ALMS1: variants seen among roughly 807,000 people sequenced by gnomAD.
The protein encoded by ALMS1 is centrosome-associated protein ALMS1.
Under a neutral mutation model 352.2 loss-of-function variants are expected in ALMS1, and 271 were observed. The ratio of observed to expected loss-of-function variants is 0.77; its 90% CI spans 0.70 to 0.85. ALMS1 has a LOEUF of 0.85. ALMS1 is among the 40% of genes least tolerant of loss of function. The pLI is 0.00. For synonymous variants in ALMS1, 1,865 were observed against 1,761.2 expected (o/e 1.06, Z -1.48); for missense variants, 5,445 against 4,870.7 (o/e 1.12, Z -3.51).
In ALMS1 at chr2:73,572,365, T is replaced by A. The variant is rs1438143250; in HGVS notation, c.10488T>A (p.Ile3496=). ...TACACCTACCAAGTGATCAAGATATTTGCCATGAATCTTTGGGAAAGAGTG... is the reference window on the plus strand; with the variant it reads ...TACACCTACCAAGTGATCAAGATATATGCCATGAATCTTTGGGAAAGAGTG... ...HPVHLPSDQD[I]CHESLGKSVF... is the part of the protein sequence containing the mutation. Residue 3496 remains isoleucine (I), a synonymous_variant, in exon 16 of 23, where the codon ATT becomes ATA. Transcript: ENST00000613296. The A allele has an allele frequency of 2.5e-6, 4 of 1,609,120 alleles. No individual in the cohort carries two copies. In the South Asian group the frequency reaches 4.5e-5, roughly 18 times the overall value.
Position 73,519,985 on chromosome 2 carries a change from C to T in ALMS1, c.9750C>T (p.Val3250=). The stretch of plus-strand genomic sequence containing the variant: ...TCAAGTTTGCCTCATCATCTTCAGT[C>T]CAACAGGTTACTTTTTCTCGCGGCA... ...APVKFASSSS[V]QQVTFSRGTD... is the part of the protein sequence containing the mutation. The change falls in exon 11 of 23, where the codon GTC becomes GTT. Residue 3250 remains valine, a synonymous_variant. Coordinates refer to ENST00000613296, the MANE Select transcript of ALMS1 (RefSeq NM_001378454.1). 6.2e-7 allele frequency: 1 copy of T among 1,614,094 alleles called. No homozygotes were observed. The highest frequency in any genetic ancestry group is 1.1e-5 in the South Asian group (1 of 91,074).
Position 73,450,291 on chromosome 2 carries a change from A to G in ALMS1, c.3764A>G (p.Asp1255Gly), listed in dbSNP as rs773586990. 1.6e-5 allele frequency: 26 copies of G among 1,613,904 alleles called. No homozygotes were observed. The highest frequency in any genetic ancestry group is 2.2e-5 in the South Asian group (2 of 91,076). Residue 1255 changes from aspartate to glycine, a missense_variant, in exon 8 of 23, where the codon GAT becomes GGT. Physicochemically the swap from Asp to Gly is moderately conservative, Grantham distance 94. Transcript: ENST00000613296. The stretch of plus-strand genomic sequence containing the variant: ...ATTTTCTACCAACAGGTCTTGCCAG[A>G]TAATCATCCAACTGAAGAGGCTCTG... ...PGIFYQQVLP[D>G]NHPTEEALKI...
intron 9 of ALMS1, among the ~76,000 whole-genome samples, chr2:73,479,232 A>G (rs1477971531): frequency 8.5e-5 from 13 of 152,250 alleles, no homozygotes; most frequent in Middle Eastern, 3.4e-3. Flanking sequence ...CCTTCACCCA[A>G]TTTCCCCAAG....
rs1003992652 is a variant in ALMS1 at position 73,559,022 on chromosome 2, G to C, written c.10264G>C (p.Glu3422Gln). Residue 3422 changes from glutamate to glutamine, a missense_variant, in exon 15 of 23, where the codon GAA becomes CAA. Coordinates refer to ENST00000613296, the MANE Select transcript of ALMS1 (RefSeq NM_001378454.1). ...GCACTCAGCTCAAGTAGGAGACCCA[G>C]AAATGAAGAACTTGCCAGACACTAA... ...AEHSAQVGDP[E>Q]MKNLPDTKAI... 1 of 1,613,928 alleles carries C rather than the reference G, an allele frequency of 6.2e-7. No individual in the cohort carries two copies. The highest frequency in any genetic ancestry group is 1.3e-5 in the African/African-American group (1 of 74,892).
chr2:73,491,124 T>G lies in ALMS1; in HGVS notation c.9165T>G (p.Thr3055=), dbSNP rs2103894994. The G allele has an allele frequency of 6.2e-7, 1 of 1,614,176 alleles. No homozygotes were observed. The highest frequency in any genetic ancestry group is 8.5e-7 in the Non-Finnish European group (1 of 1,180,008). ...TTCATATAACTCTTTGTCCCAAGAC[T>G]TCTTCCAAGTTGGATAGTGGAACTT... ...SCVHITLCPK[T]SSKLDSGTLD... is the part of the protein sequence containing the mutation. Residue 3055 remains threonine (T), a synonymous_variant, in exon 10 of 23, where the codon ACT becomes ACG. Coordinates refer to ENST00000613296, the MANE Select transcript of ALMS1 (RefSeq NM_001378454.1).
Position 73,490,695 on chromosome 2 carries a change from T to C in ALMS1, c.8736T>C (p.Asp2912=), listed in dbSNP as rs189758049. 1.9e-6 allele frequency: 3 copies of C among 1,614,040 alleles called. No individual in the cohort carries two copies. The Admixed American group carries it at 5.0e-5, about 27-fold the overall frequency. The change falls in exon 10 of 23, where the codon GAT becomes GAC. Residue 2912 remains aspartate (D), a synonymous_variant. Transcript: ENST00000613296. ...KHHSPSPQHQ[D]YVAPDLPSCI... ...ATTCTCCCTCTCCTCAACATCAGGA[T>C]TATGTAGCTCCAGACCTTCCTTCTT...
intron 5 of ALMS1, among the ~76,000 whole-genome samples, chr2:73,425,151 G>C (rs1248407741): frequency 6.6e-6 from 1 of 152,122 alleles, no homozygotes; most frequent in Non-Finnish European, 1.5e-5. Flanking sequence ...AAGAGGAAAA[G>C]GGGTTCCCTT....
chr2:73,439,699 C>G (rs1671677843), intron 7 of ALMS1, among the ~76,000 whole-genome samples: 1 of 151,842 alleles, frequency 6.6e-6, no homozygotes, highest in Admixed American at 6.6e-5. Flanking sequence ...CACCACCATA[C>G]CAGGCTAATT....
intron 5 of ALMS1, among the ~76,000 whole-genome samples, chr2:73,425,795 C>G (rs1387852554): frequency 6.6e-6 from 1 of 152,194 alleles, no homozygotes; most frequent in Non-Finnish European, 1.5e-5. Context: ...TTTGAACCAG[C>G]AGCTTCAAAA....
intron 6 of ALMS1, among the ~76,000 whole-genome samples, chr2:73,429,471 C>T (rs752615221): frequency 4.6e-5 from 7 of 151,912 alleles, no homozygotes; most frequent in African/African-American, 1.4e-4. Context: ...TTAGTAGAGA[C>T]GGGGTTTCAC....
intron 9 of ALMS1, among the ~76,000 whole-genome samples, chr2:73,481,953 C>G (rs1386132138): frequency 6.6e-6 from 1 of 151,926 alleles, no homozygotes; most frequent in Non-Finnish European, 1.5e-5. Flanking sequence ...GCTGAAGTTG[C>G]TTATCAGCTT....
Position 73,455,257 on chromosome 2 carries a change from G to C in ALMS1, c.7636G>C (p.Glu2546Gln), listed in dbSNP as rs1281579638. ...DRRKVEEIKAELFGHGRTTDL... is the reference protein window; with the variant it reads ...DRRKVEEIKAQLFGHGRTTDL... ...GAGGAAAGTAGAAGAGATCAAGGCA[G>C]AGTTATTTGGTCATGGAAGAACAAC... Residue 2546 changes from glutamate to glutamine, a missense_variant, in exon 9 of 23, where the codon GAG (glutamate) becomes CAG (glutamine). Coordinates refer to ENST00000613296, the MANE Select transcript of ALMS1 (RefSeq NM_001378454.1). 6.2e-7 allele frequency: 1 copy of C among 1,614,026 alleles called. No homozygotes were observed. The highest frequency in any genetic ancestry group is 8.5e-7 in the Non-Finnish European group (1 of 1,180,016).
intron 3 of ALMS1, 34 bp from the exon 4 acceptor site, chr2:73,422,823 C>G: frequency 6.6e-7 from 1 of 1,514,884 alleles, no homozygotes; most frequent in Non-Finnish European, 9.2e-7. Flanking sequence ...CAATTTTCAG[C>G]ATTACCCAGC....
At chr2:73,566,148 AAAATT>A (rs1415565175) in intron 15 of ALMS1, among the ~76,000 whole-genome samples, 1 of 152,258 alleles carries the variant, frequency 6.6e-6, no homozygotes, top group Non-Finnish European at 1.5e-5. Flanking sequence ...AAATTATTCT[AAAATT>A]AAAAGTTTAT....
intron 16 of ALMS1, among the ~76,000 whole-genome samples, chr2:73,598,121 A>G (rs955816500): frequency 1.3e-5 from 2 of 152,240 alleles, no homozygotes; most frequent in South Asian, 2.1e-4. Context: ...GGTTGGTTCA[A>G]TCAGTTATGA....
At chr2:73,422,403 G>A (rs1186420940) in intron 3 of ALMS1, among the ~76,000 whole-genome samples, 1 of 151,986 alleles carries the variant, frequency 6.6e-6, no homozygotes, top group African/African-American at 2.4e-5. Flanking sequence ...GTGTCTTAGG[G>A]CCCAGGAGCT....
chr2:73,540,635 T>C (rs560586497), intron 12 of ALMS1, among the ~76,000 whole-genome samples: 37 of 152,236 alleles, frequency 2.4e-4, no homozygotes, highest in African/African-American at 7.2e-4. Flanking sequence ...ACCCATCTCA[T>C]GTGCAGAGTC....
chr2:73,450,352 A>T lies in ALMS1; in HGVS notation c.3825A>T (p.Thr1275=). 6.2e-7 allele frequency: 1 copy of T among 1,611,476 alleles called. No homozygotes were observed. Among genetic ancestry groups the T allele is most frequent in the Non-Finnish European group, 8.5e-7 (1 of 1,179,122 alleles). Residue 1275 remains threonine, a synonymous_variant, in exon 8 of 23, where the codon ACA becomes ACT. Coordinates refer to ENST00000613296, the MANE Select transcript of ALMS1 (RefSeq NM_001378454.1). ...ISVASEPVDQ[T]TGTPAVTSTS... The stretch of plus-strand genomic sequence containing the variant: ...TTGCCTCTGAACCAGTTGACCAGAC[A>T]ACTGGCACACCAGCTGTAACCTCTA...
intron 10 of ALMS1, among the ~76,000 whole-genome samples, chr2:73,518,514 G>A (rs557816905): frequency 6.6e-6 from 1 of 152,112 alleles, no homozygotes; most frequent in Non-Finnish European, 1.5e-5. Flanking sequence ...TGGTGCATCT[G>A]GTTTTAGCTC....
Sources: allele counts gnomAD v4.1 joint callset (sites outside exome capture counted in the v4.1 genomes callset), GRCh38; gene constraint gnomAD v4.1.1; transcripts MANE v1.5; gene names NCBI Gene and HGNC (gene_info 2026-07-23, HGNC 2026-07-21).